The following MAGI3 variants were observed in gnomAD, a reference collection of about 807,000 sequenced individuals.
MAGI3 encodes membrane-associated guanylate kinase, WW and PDZ domain-containing protein 3.
In MAGI3, 43 loss-of-function variants were observed where a neutral mutation model predicts 121.8. The ratio of observed to expected loss-of-function variants is 0.35; its 90% CI spans 0.28 to 0.46. The LOEUF (loss-of-function observed/expected upper bound fraction) is 0.46. Among genes scored for constraint, MAGI3 ranks in the 20% least tolerant of loss-of-function variants. The pLI, the probability that MAGI3 is intolerant of heterozygous loss-of-function variation, is 1.00. For missense variants in MAGI3, 1,547 were observed against 1,797.3 expected (o/e 0.86, Z 2.52); for synonymous variants, 553 against 639.3 (o/e 0.86, Z 2.04).
intron 19 of MAGI3, among the ~76,000 whole-genome samples, chr1:113,677,613 A>G (rs1049763441): frequency 1.3e-5 from 2 of 152,234 alleles, no homozygotes; most frequent in African/African-American, 2.4e-5. Context: ...ATTTTAATAC[A>G]TTTGTAGTGG....
At chr1:113,674,103 C>T (rs907841092) in intron 19 of MAGI3, among the ~76,000 whole-genome samples, 1 of 152,168 alleles carries the variant, frequency 6.6e-6, no homozygotes, top group African/African-American at 2.4e-5. Flanking sequence ...ATATAGAAGA[C>T]ATTTGCTGCT....
At chr1:113,466,689 A>G (rs921522515) in intron 1 of MAGI3, among the ~76,000 whole-genome samples, 2 of 151,964 alleles carry the variant, frequency 1.3e-5, no homozygotes, top group Admixed American at 1.3e-4. Flanking sequence ...CTGTTTCTTC[A>G]TGGGTCAATA....
At chr1:113,540,832 C>CA (rs1228395742) in intron 1 of MAGI3, among the ~76,000 whole-genome samples, 2 of 150,940 alleles carry the variant, frequency 1.3e-5, no homozygotes, top group Non-Finnish European at 3.0e-5. Flanking sequence ...ATCATAAAAA[C>CA]AAAAAAAAGT....
intron 9 of MAGI3, among the ~76,000 whole-genome samples, chr1:113,634,314 G>A (rs1368286502): frequency 6.6e-6 from 1 of 151,954 alleles, no homozygotes; most frequent in Non-Finnish European, 1.5e-5. Context: ...CCTTGCCCAT[G>A]CCTATGTCCT....
At chr1:113,614,714 C>A in intron 7 of MAGI3, 56 bp downstream of exon 7, 1 of 1,264,200 alleles carries the variant, frequency 7.9e-7, no homozygotes, top group Non-Finnish European at 1.1e-6. Flanking sequence ...CAGCATATAG[C>A]TTTAGAGAAT....
rs188102370 is a variant in MAGI3, at chr1:113,649,648, C to T, written c.2247+320C>T. On this transcript the variant is annotated intron_variant, in intron 13 of 20. Coordinates refer to ENST00000307546, the MANE Select transcript of MAGI3 (RefSeq NM_001142782.2). Reference sequence around the variant, plus strand: ...CATTAAACAGAGTCTAAGACATTTTCCTTCTCTAAGAAGCCTATAATCCCA... The same window carrying T: ...CATTAAACAGAGTCTAAGACATTTTTCTTCTCTAAGAAGCCTATAATCCCA... 6.1e-3 allele frequency among the ~76,000 whole-genome samples: 928 copies of T among 152,266 alleles called. 7 individuals carry two copies. Among genetic ancestry groups the T allele is most frequent in the African/African-American group, 0.021 (878 of 41,546 alleles).
At chr1:113,489,878 T>A (rs1453192378) in intron 1 of MAGI3, among the ~76,000 whole-genome samples, 1 of 151,686 alleles carries the variant, frequency 6.6e-6, no homozygotes, top group Admixed American at 6.6e-5. Flanking sequence ...CTCCAAGAAA[T>A]ATGGAATTAT....
intron 1 of MAGI3, among the ~76,000 whole-genome samples, chr1:113,503,395 T>G (rs1292534175): frequency 6.7e-6 from 1 of 150,110 alleles, no homozygotes; most frequent in African/African-American, 2.5e-5. Flanking sequence ...CTCAATACTG[T>G]AAATATTTTT....
intron 2 of MAGI3, among the ~76,000 whole-genome samples, chr1:113,550,606 AT>A (rs1331347616): frequency 6.6e-6 from 1 of 150,774 alleles, no homozygotes; most frequent in Non-Finnish European, 1.5e-5. Context: ...AAATACAAAA[AT>A]TAGCCGAGCA....
chr1:113,553,915 A>C (rs1164907226), intron 2 of MAGI3, among the ~76,000 whole-genome samples: 3 of 152,232 alleles, frequency 2.0e-5, no homozygotes, highest in Non-Finnish European at 4.4e-5. Context: ...AGGCTGAGGC[A>C]GGAGAATTGC....
At chr1:113,528,316 G>A (rs867634042) in intron 1 of MAGI3, among the ~76,000 whole-genome samples, 5 of 148,784 alleles carry the variant, frequency 3.4e-5, no homozygotes, top group South Asian at 4.2e-4. Flanking sequence ...TTTTTGAAAG[G>A]AGGAGACTTT....
intron 1 of MAGI3, among the ~76,000 whole-genome samples, chr1:113,527,242 C>T (rs1459857468): frequency 1.3e-5 from 2 of 148,204 alleles, no homozygotes; most frequent in Admixed American, 6.7e-5. Context: ...ATGTGTGTGG[C>T]GGGGGCGGGC....
chr1:113,491,607 A>C (rs1656669992), intron 1 of MAGI3, among the ~76,000 whole-genome samples: 1 of 152,126 alleles, frequency 6.6e-6, no homozygotes, highest in Non-Finnish European at 1.5e-5. Flanking sequence ...TGAAGAAATT[A>C]ATAAAATAGA....
intron 2 of MAGI3, among the ~76,000 whole-genome samples, chr1:113,571,380 T>C (rs1647283503): frequency 6.6e-6 from 1 of 152,204 alleles, no homozygotes; most frequent in Non-Finnish European, 1.5e-5. Context: ...ATATGAGGTC[T>C]TTTTGTTTCC....
intron 9 of MAGI3, among the ~76,000 whole-genome samples, chr1:113,624,293 A>T (rs533402903): frequency 2.4e-4 from 36 of 152,214 alleles, no homozygotes; most frequent in African/African-American, 5.8e-4. Context: ...ATTGTTTTCC[A>T]TAGTGGTTGT....
intron 8 of MAGI3, among the ~76,000 whole-genome samples, chr1:113,620,712 A>G (rs1650767233): frequency 6.6e-6 from 1 of 152,202 alleles, no homozygotes; most frequent in Non-Finnish European, 1.5e-5. Flanking sequence ...AGTCTAATAC[A>G]GGAAACTGAT....
chr1:113,484,664 TC>T (rs1656271666), intron 1 of MAGI3, among the ~76,000 whole-genome samples: 1 of 8,876 alleles, frequency 1.1e-4, no homozygotes, highest in Non-Finnish European at 1.9e-4. Context: ...TCCCCTCCCC[TC>T]CCCTCCCTTC....
intron 2 of MAGI3, among the ~76,000 whole-genome samples, chr1:113,553,875 G>A (rs1192734191): frequency 6.6e-6 from 1 of 152,184 alleles, no homozygotes; most frequent in Non-Finnish European, 1.5e-5. Context: ...TGGGCGTGGT[G>A]GCGGGTGCCT....
In MAGI3 at chr1:113,538,771, C is replaced by G. The variant is rs559591508; in HGVS notation, c.317-10744C>G. ...TATTTTTCAAACATAGGTTTTAGTT[C>G]TTTAGTTTATCCGTTGACTGAGAGT... On this transcript the variant is annotated intron_variant, in intron 1 of 20. Transcript: ENST00000307546. Among the ~76,000 whole-genome samples the G allele has an allele frequency of 2.0e-5, 3 of 152,050 alleles. No homozygotes were observed. In the South Asian group the frequency reaches 6.2e-4, roughly 32 times the overall value.
Sources: gnomAD v4.1 joint callset for allele counts (sites outside exome capture counted in the v4.1 genomes callset) on GRCh38, gnomAD v4.1.1 for gene constraint, MANE v1.5 for transcripts, NCBI Gene and HGNC (gene_info 2026-07-23, HGNC 2026-07-21) for gene names.